Variants in EPHA3 observed in about 807,000 individuals in gnomAD.
EPHA3 encodes the protein EPH receptor A3.
EPHA3 carries 42 observed loss-of-function variants against 107.1 expected under a neutral mutation model. The observed-to-expected ratio is 0.39, with a 90% CI of 0.31 to 0.51. The LOEUF is 0.51. Among genes scored for constraint, EPHA3 ranks in the 20% least tolerant of loss-of-function variants. The pLI is 0.78. For synonymous variants in EPHA3, 461 were observed against 424.8 expected (o/e 1.09, Z -1.05); for missense variants, 1,183 against 1,211.2 (o/e 0.98, Z 0.35).
chr3:89,153,305 C>T (rs529367194), intron 2 of EPHA3, among the ~76,000 whole-genome samples: 82 of 152,128 alleles, frequency 5.4e-4, no homozygotes, highest in African/African-American at 1.9e-3. Flanking sequence ...TTCACACTTG[C>T]GGGTCCTTCT....
Position 89,451,043 on chromosome 3 carries a change from C to T in EPHA3, c.2690+673C>T, listed in dbSNP as rs145723649. On this transcript the variant is annotated intron_variant, in intron 15 of 16. Transcript: ENST00000336596. ...TGGCTAGCAAAATGCAAATTTTCCC[C>T]AGTTAATTAAACAAATATTTGTCTA... is the stretch of plus-strand genomic sequence containing the variant. Among the ~76,000 whole-genome samples, 144 of 152,182 alleles carry T rather than the reference C, an allele frequency of 9.5e-4. No homozygotes were observed. In the South Asian group the frequency reaches 0.011, roughly 11 times the overall value.
intron 13 of EPHA3, among the ~76,000 whole-genome samples, chr3:89,434,816 A>C (rs1460777589): frequency 1.3e-5 from 2 of 152,182 alleles, no homozygotes; most frequent in Non-Finnish European, 2.9e-5. Flanking sequence ...AAGATTCTTA[A>C]AAACACACTG....
chr3:89,159,190 T>G (rs965004890), intron 2 of EPHA3, among the ~76,000 whole-genome samples: 7 of 152,178 alleles, frequency 4.6e-5, no homozygotes, highest in African/African-American at 1.7e-4. Flanking sequence ...AAAGATTTTA[T>G]TTTTAGCATC....
At chr3:89,197,273 A>G (rs1447452714) in intron 2 of EPHA3, among the ~76,000 whole-genome samples, 1 of 152,202 alleles carries the variant, frequency 6.6e-6, no homozygotes, top group Admixed American at 6.5e-5. Flanking sequence ...TTAGCAGGTA[A>G]CAACTGTGTA....
intron 3 of EPHA3, among the ~76,000 whole-genome samples, chr3:89,220,516 C>G (rs763545034): frequency 2.0e-5 from 3 of 152,022 alleles, no homozygotes; most frequent in Non-Finnish European, 4.4e-5. Flanking sequence ...AGGTGACTGA[C>G]GTTCAGCGGG....
At chr3:89,328,047 G>A (rs953455922) in intron 3 of EPHA3, among the ~76,000 whole-genome samples, 8 of 151,890 alleles carry the variant, frequency 5.3e-5, no homozygotes, top group African/African-American at 1.5e-4. Context: ...GCAGTCAGCC[G>A]AGATCATGCC....
intron 3 of EPHA3, among the ~76,000 whole-genome samples, chr3:89,292,404 T>C (rs1438277582): frequency 6.6e-6 from 1 of 152,136 alleles, no homozygotes; most frequent in Non-Finnish European, 1.5e-5. Flanking sequence ...CTATGGCATT[T>C]TATATAAGGG....
chr3:89,412,739 CAT>C (rs1333334464), intron 9 of EPHA3, among the ~76,000 whole-genome samples: 1 of 151,688 alleles, frequency 6.6e-6, no homozygotes, highest in Non-Finnish European at 1.5e-5. Flanking sequence ...CATTGTAATA[CAT>C]ATCTGGTTAT....
intron 2 of EPHA3, among the ~76,000 whole-genome samples, chr3:89,148,148 TG>T (rs1228557254): frequency 3.0e-4 from 45 of 152,096 alleles, no homozygotes; most frequent in Admixed American, 2.0e-3. Context: ...GTGCTCTCTG[TG>T]TGTGGGCATT....
At chr3:89,475,509 T>C (rs1710488103) in intron 16 of EPHA3, among the ~76,000 whole-genome samples, 1 of 152,232 alleles carries the variant, frequency 6.6e-6, no homozygotes. Flanking sequence ...AGTTATCTCA[T>C]TTTTGAACAA....
intron 2 of EPHA3, among the ~76,000 whole-genome samples, chr3:89,166,818 T>G (rs1705082639): frequency 1.3e-5 from 2 of 152,144 alleles, no homozygotes; most frequent in South Asian, 4.1e-4. Flanking sequence ...ATTAAGGGGG[T>G]GCTTTTGAAT....
At chr3:89,391,578 C>A (rs1159056565) in intron 5 of EPHA3, among the ~76,000 whole-genome samples, 2 of 151,216 alleles carry the variant, frequency 1.3e-5, no homozygotes, top group Non-Finnish European at 3.0e-5. Flanking sequence ...TAGGTGCCCG[C>A]CACCATGCCC....
At chr3:89,324,615 C>T (rs1707124535) in intron 3 of EPHA3, among the ~76,000 whole-genome samples, 1 of 151,790 alleles carries the variant, frequency 6.6e-6, no homozygotes, top group African/African-American at 2.4e-5. Context: ...GTGACAATTT[C>T]TTATACATAC....
At position 89,408,061 on chromosome 3, in the gene EPHA3, C is replaced by T; in HGVS notation, c.1698-6C>T. The T allele has an allele frequency of 6.2e-7, 1 of 1,612,198 alleles. No homozygotes were observed. Among genetic ancestry groups the T allele is most frequent in the Non-Finnish European group, 8.5e-7 (1 of 1,178,752 alleles). ...TATGTGTTCGCTTTCCTTGATTTAC[C>T]TCCAGGTTCTGTGGCTATAAGTCAA... On this transcript the variant is annotated splice_polypyrimidine_tract_variant and splice_region_variant and intron_variant, in intron 8 of 16. Coordinates refer to ENST00000336596, the MANE Select transcript of EPHA3 (RefSeq NM_005233.6).
intron 2 of EPHA3, among the ~76,000 whole-genome samples, chr3:89,147,830 T>C (rs1576183839): frequency 6.6e-6 from 1 of 152,090 alleles, no homozygotes; most frequent in East Asian, 1.9e-4. Context: ...ATGACTCATA[T>C]ATTAGTGCAA....
chr3:89,240,630 CATTT>C (rs1704873098), intron 3 of EPHA3, among the ~76,000 whole-genome samples: 1 of 151,826 alleles, frequency 6.6e-6, no homozygotes, highest in Non-Finnish European at 1.5e-5. Flanking sequence ...AGTACCCATT[CATTT>C]ATGAGATTTT....
chr3:89,278,573 T>C (rs1196154536), intron 3 of EPHA3, among the ~76,000 whole-genome samples: 2 of 152,174 alleles, frequency 1.3e-5, no homozygotes, highest in African/African-American at 4.8e-5. Context: ...CCTGGTGATC[T>C]TGTGGACTTC....
At chr3:89,420,870 A>G (rs1267130398) in intron 11 of EPHA3, among the ~76,000 whole-genome samples, 1 of 151,460 alleles carries the variant, frequency 6.6e-6, no homozygotes, top group Non-Finnish European at 1.5e-5. Context: ...TTTCATTATG[A>G]AGTATCTGTT....
Position 89,477,939 on chromosome 3 carries a change from G to T in EPHA3, c.2847-1458G>T, listed in dbSNP as rs1465235649. On this transcript the variant is annotated intron_variant, in intron 16 of 16. Coordinates refer to ENST00000336596, the MANE Select transcript of EPHA3 (RefSeq NM_005233.6). The stretch of plus-strand genomic sequence containing the variant: ...GTCAATATGTCAGATGGTAATAAAT[G>T]CTTTGGAAGAAAATGAAACAAGAAA... 1.3e-5 allele frequency among the ~76,000 whole-genome samples: 2 copies of T among 152,046 alleles called. 1 individual carries two copies. The highest frequency in any genetic ancestry group is 1.3e-4 in the Admixed American group (2 of 15,270).
Sources: allele counts gnomAD v4.1 joint callset (sites outside exome capture counted in the v4.1 genomes callset), GRCh38; gene constraint gnomAD v4.1.1; transcripts MANE v1.5; gene names NCBI Gene and HGNC (gene_info 2026-07-23, HGNC 2026-07-21).